Variants in BAZ2B observed in about 807,000 individuals in gnomAD.
BAZ2B encodes the protein bromodomain adjacent to zinc finger domain 2B.
A neutral mutation model predicts 246.0 loss-of-function variants in BAZ2B; 91 were observed. That is an observed-to-expected ratio of 0.37 (90% confidence interval 0.31 to 0.44). The LOEUF is 0.44. Ranked by LOEUF, BAZ2B falls within the 20% of genes least tolerant of loss-of-function variation. BAZ2B has a pLI of 1.00. For synonymous variants in BAZ2B, 855 were observed against 860.0 expected (o/e 0.99, Z 0.10); for missense variants, 2,332 against 2,533.7 (o/e 0.92, Z 1.71).
At chr2:159,536,213 T>C (rs1414624367) in intron 2 of BAZ2B, 2 of 152,204 alleles carry the variant, frequency 1.3e-5, no homozygotes, top group African/African-American at 4.8e-5. Context: ...AAATATTTAT[T>C]GATTGATTGA....
intron 2 of BAZ2B, among the ~76,000 whole-genome samples, chr2:159,492,099 C>T (rs546259977): frequency 1.3e-5 from 2 of 152,316 alleles, no homozygotes; most frequent in South Asian, 4.1e-4. Context: ...TCAAAACTTA[C>T]TTTCTCTGTA....
intron 2 of BAZ2B, among the ~76,000 whole-genome samples, chr2:159,511,277 C>A (rs2082891442): frequency 6.6e-6 from 1 of 152,076 alleles, no homozygotes; most frequent in Non-Finnish European, 1.5e-5. Flanking sequence ...GATCTCAGCT[C>A]ACTGCAACCT....
intron 1 of BAZ2B, among the ~76,000 whole-genome samples, chr2:159,582,942 G>A (rs1687172198): frequency 6.6e-6 from 1 of 151,872 alleles, no homozygotes; most frequent in Non-Finnish European, 1.5e-5. Flanking sequence ...TTTATGAATT[G>A]CCTACAGTTT....
the BAZ2B span, among the ~76,000 whole-genome samples, chr2:159,685,503 GA>G: frequency 2.8e-3 from 430 of 152,050 alleles, no homozygotes; most frequent in Middle Eastern, 0.044. Flanking sequence ...AAGGAACAAA[GA>G]AACCTTGAAG....
chr2:159,455,397 G>A (rs1353518057), intron 3 of BAZ2B, among the ~76,000 whole-genome samples: 1 of 152,006 alleles, frequency 6.6e-6, no homozygotes, highest in Non-Finnish European at 1.5e-5. Context: ...TTAAAAATAA[G>A]ATTTAAATAA....
rs1202255175 is a variant in BAZ2B at position 159,382,785 on chromosome 2, G to A, written c.3779C>T (p.Ala1260Val). ...GKLRKLRIIH[A>V]KKTGKRDTSG... is the part of the protein sequence containing the mutation. The stretch of plus-strand genomic sequence containing the variant: ...AGTGTCTCTTTTGCCTGTTTTCTTA[G>A]CATGAATGATTCTGAGCCTTTAAAT... Residue 1260 changes from alanine to valine, a missense_variant, in exon 25 of 37, where the codon GCT becomes GTT. By Grantham distance (64) the Ala-to-Val change is moderately conservative. Transcript: ENST00000392783. 6.2e-7 allele frequency: 1 copy of A among 1,613,222 alleles called. No individual in the cohort carries two copies. The highest frequency in any genetic ancestry group is 8.5e-7 in the Non-Finnish European group (1 of 1,179,506).
rs1559909634 is a variant in BAZ2B, at chr2:159,614,537, A to G, written c.-46+1705T>C. Among the ~76,000 whole-genome samples, 7 of 152,188 alleles carry G rather than the reference A, an allele frequency of 4.6e-5. No homozygotes were observed. The South Asian group carries it at 1.2e-3, about 27-fold the overall frequency. Reference sequence around the variant, plus strand: ...AATAACCATACATAAATATTAACCAAGCTAATTTTCAAAAAATCCATAAGG... The same window carrying G: ...AATAACCATACATAAATATTAACCAGGCTAATTTTCAAAAAATCCATAAGG... On this transcript the variant is annotated intron_variant, in intron 1 of 36. Transcript: ENST00000392783.
At position 159,328,893 on chromosome 2, in the gene BAZ2B, C is replaced by T. The variant is rs796842868; in HGVS notation, c.5944-2975G>A. ...CTGTAATCCCAGCACTTTGGGAGGC[C>T]GAGGCAGGCAGATAACTTGAGGTTA... is the stretch of plus-strand genomic sequence containing the variant. On this transcript the variant is annotated intron_variant, in intron 34 of 36. Transcript: ENST00000392783. Among the ~76,000 whole-genome samples, 11 of 152,096 alleles carry T rather than the reference C, an allele frequency of 7.2e-5. No homozygotes were observed. The South Asian group carries it at 2.3e-3, about 32-fold the overall frequency.
At chr2:159,449,661 A>C (rs2074770781) in intron 4 of BAZ2B, among the ~76,000 whole-genome samples, 2 of 152,230 alleles carry the variant, frequency 1.3e-5, no homozygotes, top group Admixed American at 1.3e-4. Flanking sequence ...AGGCATTACT[A>C]GTAAAATGAC....
At chr2:159,574,136 CACACAT>C (rs774283838) in intron 1 of BAZ2B, among the ~76,000 whole-genome samples, 59 of 102,186 alleles carry the variant, frequency 5.8e-4, no homozygotes, top group South Asian at 3.6e-3. Flanking sequence ...CACACACACA[CACACAT>C]ACACACACAC....
chr2:159,438,541 T>C lies in BAZ2B; in HGVS notation c.1055A>G (p.Gln352Arg), dbSNP rs1306470870. The change falls in exon 8 of 37, where the codon CAG becomes CGG. Residue 352 changes from glutamine (Q) to arginine (R), a missense_variant. Coordinates refer to ENST00000392783, the MANE Select transcript of BAZ2B (RefSeq NM_013450.4). ...SQQKQPQVLS[Q>R]QLPFIFQSSQ... ...GCTTTGGAAAATAAATGGAAGCTGC[T>C]GTGACAAAACCTGAGGCTGCTTCTG... is the stretch of plus-strand genomic sequence containing the variant. 1.2e-6 allele frequency: 2 copies of C among 1,614,052 alleles called. No homozygotes were observed. Among genetic ancestry groups the C allele is most frequent in the Admixed American group, 1.7e-5 (1 of 60,006 alleles).
At chr2:159,430,225 A>G (rs1039389253) in intron 10 of BAZ2B, among the ~76,000 whole-genome samples, 2 of 152,156 alleles carry the variant, frequency 1.3e-5, no homozygotes, top group African/African-American at 4.8e-5. Context: ...GCCACCCATG[A>G]AACAGCAAGA....
intron 36 of BAZ2B, among the ~76,000 whole-genome samples, chr2:159,322,779 T>C (rs1485734077): frequency 6.6e-6 from 1 of 152,178 alleles, no homozygotes; most frequent in Non-Finnish European, 1.5e-5. Context: ...ATTTGAAATA[T>C]GGTTTGTGAG....
At chr2:159,495,292 C>T (rs962057947) in intron 2 of BAZ2B, among the ~76,000 whole-genome samples, 17 of 150,368 alleles carry the variant, frequency 1.1e-4, no homozygotes, top group Middle Eastern at 3.4e-3. Context: ...GAGACCATCC[C>T]GGCTAAAACG....
intron 34 of BAZ2B, among the ~76,000 whole-genome samples, chr2:159,331,851 A>C (rs1360359267): frequency 6.6e-6 from 1 of 152,214 alleles, no homozygotes; most frequent in African/African-American, 2.4e-5. Context: ...ATAATGACAC[A>C]TAAGACAGAA....
rs754466193 is a variant in BAZ2B at position 159,439,050 on chromosome 2, AATC to A, written c.856_858del (p.Asp286del). On this transcript the variant is annotated inframe_deletion, in exon 7 of 37. Coordinates refer to ENST00000392783, the MANE Select transcript of BAZ2B (RefSeq NM_013450.4). ...TGTTGTGCTTCACTCTCTGAATCAG[AATC>A]ATCATCTTCACTTTCTTCAATACTT... 6 of 1,613,728 alleles carry A rather than the reference AATC, an allele frequency of 3.7e-6. No individual in the cohort carries two copies. The African/African-American group carries it at 8.0e-5, about 22-fold the overall frequency.
At chr2:159,467,465 G>A (rs894728869) in intron 3 of BAZ2B, among the ~76,000 whole-genome samples, 1 of 152,094 alleles carries the variant, frequency 6.6e-6, no homozygotes, top group African/African-American at 2.4e-5. Flanking sequence ...GCCAGTGCAA[G>A]GGGAGGTATT....
intron 20 of BAZ2B, among the ~76,000 whole-genome samples, chr2:159,393,360 G>C (rs923385359): frequency 2.0e-5 from 3 of 152,094 alleles, no homozygotes; most frequent in East Asian, 1.9e-4. Context: ...AACCAGGCTC[G>C]CTCTTTCAGC....
At chr2:159,690,740 A>G in the BAZ2B span, among the ~76,000 whole-genome samples, 1 of 152,340 alleles carries the variant, frequency 6.6e-6, no homozygotes, top group East Asian at 1.9e-4. Flanking sequence ...CAGAGGCAAT[A>G]CAAAACCAAG....
Sources: gnomAD v4.1 joint callset for allele counts (sites outside exome capture counted in the v4.1 genomes callset) on GRCh38, gnomAD v4.1.1 for gene constraint, MANE v1.5 for transcripts, NCBI Gene and HGNC (gene_info 2026-07-23, HGNC 2026-07-21) for gene names.